CPXM2: variants seen among roughly 807,000 people sequenced by gnomAD.
CPXM2 encodes inactive carboxypeptidase-like protein X2.
CPXM2 carries 66 observed loss-of-function variants against 86.1 expected under a neutral mutation model. The observed-to-expected ratio is 0.77, with a 90% confidence interval of 0.63 to 0.94. The LOEUF is 0.94. Ranked by LOEUF, CPXM2 falls within the 40% of genes least tolerant of loss-of-function variation. The pLI is 0.00. For missense variants in CPXM2, 948 were observed against 1,026.3 expected, an observed-to-expected ratio of 0.92 and a Z score of 1.04; for synonymous variants, 388 against 400.2, an observed-to-expected ratio of 0.97 and a Z score of 0.36.
intron 7 of CPXM2, among the ~76,000 whole-genome samples, chr10:123,778,048 T>C (rs988454521): frequency 1.3e-5 from 2 of 152,106 alleles, no homozygotes; most frequent in Admixed American, 6.6e-5. Flanking sequence ...CCTCTCCTCC[T>C]CCCTTCTCCA....
intron 4 of CPXM2, among the ~76,000 whole-genome samples, chr10:123,836,324 T>C (rs1848279855): frequency 6.6e-6 from 1 of 151,944 alleles, no homozygotes; most frequent in Non-Finnish European, 1.5e-5. Context: ...TGAAGCCTCA[T>C]CTCCCACAGC....
chr10:123,758,447 C>A (rs1846264563), intron 11 of CPXM2, among the ~76,000 whole-genome samples: 1 of 152,148 alleles, frequency 6.6e-6, no homozygotes. Flanking sequence ...CTTCTTCTGT[C>A]TTGCTTCTGT....
chr10:123,754,978 G>C lies in CPXM2; in HGVS notation c.1918-216C>G, dbSNP rs984770474. 3.9e-5 allele frequency among the ~76,000 whole-genome samples: 6 copies of C among 152,224 alleles called. No individual in the cohort carries two copies. Among genetic ancestry groups the C allele is most frequent in the African/African-American group, 1.4e-4 (6 of 41,468 alleles). ...AGGGCGAGGTCTTAATGTAAGAAAA[G>C]TGAACTTATTTCTGAAGCTAGCATT... On this transcript the variant is annotated intron_variant, in intron 12 of 13. Transcript: ENST00000241305. The surrounding 1 kb of genome is among the most constrained non-coding windows in gnomAD (Gnocchi z 4.0).
chr10:123,879,039 G>T (rs1374414878), intron 2 of CPXM2, among the ~76,000 whole-genome samples: 1 of 152,182 alleles, frequency 6.6e-6, no homozygotes, highest in Non-Finnish European at 1.5e-5. Context: ...CCTCTCAATG[G>T]GCAATGGGTG....
intron 8 of CPXM2, 148 bp from the exon 9 acceptor site, chr10:123,768,870 T>C (rs1846559347): frequency 3.0e-6 from 2 of 672,522 alleles, no homozygotes; most frequent in South Asian, 1.9e-5. Flanking sequence ...ACCTCTAAAA[T>C]GACATCAGGA....
chr10:123,902,659 TC>T (rs1247122590), intron 2 of CPXM2, among the ~76,000 whole-genome samples: 1 of 152,166 alleles, frequency 6.6e-6, no homozygotes, highest in African/African-American at 2.4e-5. Flanking sequence ...CCCTTGGGCC[TC>T]TTTATAAGGG....
chr10:123,798,980 C>T (rs1847394917), intron 5 of CPXM2, 135 bp downstream of exon 5: 1 of 940,110 alleles, frequency 1.1e-6, no homozygotes, highest in Non-Finnish European at 1.7e-6. Context: ...GGTCTCTGTC[C>T]ATCAGACTGT....
intron 3 of CPXM2, among the ~76,000 whole-genome samples, chr10:123,850,878 G>A (rs901747991): frequency 3.9e-5 from 6 of 152,090 alleles, no homozygotes; most frequent in South Asian, 2.1e-4. Flanking sequence ...TGCATTCATC[G>A]GGGTCTTCGA....
chr10:123,800,177 T>C (rs986622244), intron 4 of CPXM2, among the ~76,000 whole-genome samples: 2 of 152,094 alleles, frequency 1.3e-5, no homozygotes, highest in Admixed American at 6.5e-5. Context: ...GTAGAGTTTA[T>C]TTCAAAAGAA....
chr10:123,771,443 G>C (rs965728614), intron 7 of CPXM2, among the ~76,000 whole-genome samples: 1 of 152,038 alleles, frequency 6.6e-6, no homozygotes, highest in South Asian at 2.1e-4. Context: ...GTGTCCTTAC[G>C]AAAGAGGCCC....
chr10:123,880,745 C>A (rs374873662), intron 1 of CPXM2, among the ~76,000 whole-genome samples: 2 of 135,426 alleles, frequency 1.5e-5, no homozygotes, highest in African/African-American at 5.6e-5. Context: ...AGAAGAATGG[C>A]GTGAACCTGG....
intron 6 of CPXM2, among the ~76,000 whole-genome samples, chr10:123,787,455 T>A (rs528861558): frequency 6.6e-6 from 1 of 152,008 alleles, no homozygotes; most frequent in Non-Finnish European, 1.5e-5. Flanking sequence ...CACTGCAACC[T>A]CCTGAGTAAC....
chr10:123,816,597 G>A (rs1353948166), intron 4 of CPXM2, among the ~76,000 whole-genome samples: 3 of 152,224 alleles, frequency 2.0e-5, no homozygotes, highest in East Asian at 3.8e-4. Context: ...AATTGCAGCT[G>A]CTGTACCAGA....
At chr10:123,811,419 A>G (rs776826846) in intron 4 of CPXM2, among the ~76,000 whole-genome samples, 1 of 152,146 alleles carries the variant, frequency 6.6e-6, no homozygotes, top group Non-Finnish European at 1.5e-5. Context: ...TGTCCTTGCA[A>G]TAGTTTGCAG....
Position 123,829,167 on chromosome 10 carries a change from G to A in CPXM2, c.653+13182C>T, listed in dbSNP as rs576523733. On this transcript the variant is annotated intron_variant, in intron 4 of 13. Transcript: ENST00000241305. ...AAGAAATGCAAATTAAGATGGTGAC[G>A]AGATATCATTACGCACCTGTCAGAA... Among the ~76,000 whole-genome samples the A allele has an allele frequency of 6.6e-5, 10 of 152,228 alleles. No homozygotes were observed. The South Asian group carries it at 1.5e-3, about 22-fold the overall frequency.
intron 1 of CPXM2, among the ~76,000 whole-genome samples, chr10:123,884,805 C>T (rs539327568): frequency 2.0e-3 from 312 of 152,346 alleles, no homozygotes; most frequent in Middle Eastern, 3.4e-3. Flanking sequence ...TCCCACCCTC[C>T]TCTGGGCCAG....
chr10:123,862,857 A>G, intron 2 of CPXM2, 134 bp from the exon 3 acceptor site: 1 of 721,310 alleles, frequency 1.4e-6, no homozygotes, highest in East Asian at 2.7e-5. Context: ...GTCTTTCCAG[A>G]CACGGTTGAT....
intron 4 of CPXM2, among the ~76,000 whole-genome samples, chr10:123,818,391 C>A (rs528037398): frequency 9.2e-4 from 140 of 152,162 alleles, no homozygotes; most frequent in Non-Finnish European, 1.8e-3. Context: ...CAACACTAAG[C>A]CCTCAATATG....
intron 4 of CPXM2, among the ~76,000 whole-genome samples, chr10:123,811,490 A>G (rs947219225): frequency 6.6e-5 from 10 of 152,170 alleles, no homozygotes; most frequent in African/African-American, 2.4e-4. Context: ...AACTTAAAAA[A>G]CCTGAATAAC....
Sources: allele counts gnomAD v4.1 joint callset (sites outside exome capture counted in the v4.1 genomes callset), GRCh38; gene constraint gnomAD v4.1.1; non-coding constraint Gnocchi (gnomAD v3.1); transcripts MANE v1.5; gene names NCBI Gene and HGNC (gene_info 2026-07-23, HGNC 2026-07-21).